DCUN1D2: variants seen among roughly 807,000 people sequenced by gnomAD.
DCUN1D2 encodes DCN1-like protein 2.
Under a neutral mutation model 30.9 loss-of-function variants are expected in DCUN1D2, and 29 were observed. That is an observed-to-expected ratio of 0.94 (90% CI 0.70 to 1.28). The LOEUF (loss-of-function observed/expected upper bound fraction) is 1.28, where lower values mean the gene tolerates loss of function less well. DCUN1D2 is among the 50% of genes most tolerant of loss of function. DCUN1D2 has a pLI of 0.00. For synonymous variants in DCUN1D2, 121 were observed against 115.3 expected (o/e 1.05, Z -0.32); for missense variants, 325 against 316.9 (o/e 1.03, Z -0.19).
At chr13:113,464,261 G>A (rs1244955604) in intron 4 of DCUN1D2, among the ~76,000 whole-genome samples, 1 of 152,178 alleles carries the variant, frequency 6.6e-6, no homozygotes, top group Non-Finnish European at 1.5e-5. Context: ...GTATCTACAG[G>A]AGTAAACAAG....
At chr13:113,474,419 G>A (rs531715705) in intron 3 of DCUN1D2, among the ~76,000 whole-genome samples, 165 bp from the exon 4 acceptor site, 2 of 152,330 alleles carry the variant, frequency 1.3e-5, no homozygotes, top group African/African-American at 2.4e-5. Flanking sequence ...GATGATGTAA[G>A]AGAAGATGGG....
intron 4 of DCUN1D2, among the ~76,000 whole-genome samples, chr13:113,472,953 G>A (rs896040643): frequency 2.0e-5 from 3 of 150,388 alleles, no homozygotes; most frequent in Non-Finnish European, 4.4e-5. Context: ...GTCCCCCTGC[G>A]CCTCTGCTCC....
At chr13:113,473,730 G>A (rs982776245) in intron 4 of DCUN1D2, among the ~76,000 whole-genome samples, 4 of 152,226 alleles carry the variant, frequency 2.6e-5, no homozygotes, top group South Asian at 2.1e-4. Context: ...TGGGCCGGCC[G>A]CAGTGGCTCA....
At chr13:113,467,122 T>C (rs2044418426) in intron 4 of DCUN1D2, among the ~76,000 whole-genome samples, 1 of 152,120 alleles carries the variant, frequency 6.6e-6, no homozygotes, top group Non-Finnish European at 1.5e-5. Context: ...CTTTGGATGT[T>C]AAACCTCGTT....
chr13:113,476,508 T>C (rs72666968), intron 3 of DCUN1D2, among the ~76,000 whole-genome samples: 9,229 of 152,304 alleles, frequency 0.061, 375 homozygotes, highest in Non-Finnish European at 0.096. Flanking sequence ...TGTTTTTCAA[T>C]GTCTTTTTCT....
chr13:113,461,300 C>T (rs935264058), intron 4 of DCUN1D2, among the ~76,000 whole-genome samples, 164 bp from the exon 5 acceptor site: 1 of 152,154 alleles, frequency 6.6e-6, no homozygotes, highest in Non-Finnish European at 1.5e-5. Context: ...GAGAACTGTA[C>T]GTAGTCTAAT....
At position 113,489,111 on chromosome 13, in the gene DCUN1D2, T is replaced by C. The variant is rs1800008174; in HGVS notation, c.3+1556A>G. 9 of 985,302 alleles carry C rather than the reference T, an allele frequency of 9.1e-6. No homozygotes were observed. In the South Asian group the frequency reaches 2.3e-4, roughly 26 times the overall value. The allele number at this position is 985,302 out of a possible 1,614,324, so 61.0% of individuals were successfully genotyped here. On this transcript the variant is annotated intron_variant, in intron 1 of 6. Transcript: ENST00000478244. ...TTACCCGGGGCTGGCGGGCCAATCA[T>C]GTTGATCGAATAAACTACGTAAGTT...
chr13:113,484,324 A>T, intron 1 of DCUN1D2: 1 of 583,814 alleles, frequency 1.7e-6, no homozygotes, highest in Non-Finnish European at 2.7e-6. Context: ...ATGAAGTGTG[A>T]CTATCATTTT....
rs747219668 is a variant in DCUN1D2 at position 113,461,088 on chromosome 13, A to C, written c.569T>G (p.Phe190Cys). ...AYWKLVLSGR[F>C]KFLDLWNTFL... is the part of the protein sequence containing the mutation. Reference sequence around the variant, plus strand: ...TGTGTTCCAGAGATCTAAAAATTTAAACCTTCCAGATAACACTAATTTCCA... The same window carrying C: ...TGTGTTCCAGAGATCTAAAAATTTACACCTTCCAGATAACACTAATTTCCA... The change falls in exon 5 of 7, where the codon TTT becomes TGT. Residue 190 changes from phenylalanine (F) to cysteine (C), a missense_variant. By Grantham distance (205) the Phe-to-Cys change is radical. Coordinates refer to ENST00000478244, the MANE Select transcript of DCUN1D2 (RefSeq NM_001014283.2). The C allele has an allele frequency of 3.1e-6, 5 of 1,611,586 alleles. No homozygotes were observed. Among genetic ancestry groups the C allele is most frequent in the Non-Finnish European group, 4.2e-6 (5 of 1,178,402 alleles).
chr13:113,490,263 T>C lies in DCUN1D2; in HGVS notation c.3+404A>G, dbSNP rs1421990889. Among the ~76,000 whole-genome samples the C allele has an allele frequency of 6.6e-6, 1 of 152,072 alleles. No homozygotes were observed. The highest frequency in any genetic ancestry group is 1.9e-4 in the East Asian group (1 of 5,168). ...GGATTCCTTCCTTGCGCTGTTTTGG[T>C]CAACAGCCTCAGCATCTGCACAGAC... On this transcript the variant is annotated intron_variant, in intron 1 of 6. Coordinates refer to ENST00000478244, the MANE Select transcript of DCUN1D2 (RefSeq NM_001014283.2). The surrounding 1 kb of genome is among the most constrained non-coding windows in gnomAD (Gnocchi z 5.2).
intron 3 of DCUN1D2, chr13:113,479,129 C>T (rs1188879114): frequency 6.6e-6 from 1 of 152,232 alleles, no homozygotes; most frequent in African/African-American, 2.4e-5. Flanking sequence ...AGGCAACATT[C>T]TAAATGTTCT....
At position 113,472,550 on chromosome 13, in the gene DCUN1D2, C is replaced by A. The variant is rs562513103; in HGVS notation, c.520+1574G>T. ...CACGGGGACATGAACAATAAACTGA[C>A]CCTCGGTCGAAGGAAGCAGGGAACG... is the stretch of plus-strand genomic sequence containing the variant. On this transcript the variant is annotated intron_variant, in intron 4 of 6. Coordinates refer to ENST00000478244, the MANE Select transcript of DCUN1D2 (RefSeq NM_001014283.2). Among the ~76,000 whole-genome samples, 3 of 152,222 alleles carry A rather than the reference C, an allele frequency of 2.0e-5. No individual in the cohort carries two copies. The East Asian group carries it at 5.8e-4, about 29-fold the overall frequency.
intron 2 of DCUN1D2, among the ~76,000 whole-genome samples, chr13:113,481,181 T>C (rs976857788): frequency 8.5e-5 from 13 of 152,360 alleles, no homozygotes; most frequent in African/African-American, 2.9e-4. Context: ...ATTGATGTTT[T>C]TCTTAAGTGA....
At chr13:113,461,979 G>A (rs1366317432) in intron 4 of DCUN1D2, among the ~76,000 whole-genome samples, 3 of 152,176 alleles carry the variant, frequency 2.0e-5, no homozygotes, top group Non-Finnish European at 2.9e-5. Context: ...CCGGCCGGGC[G>A]TGGTGGCTCA....
chr13:113,474,119 C>T lies in DCUN1D2; in HGVS notation c.520+5G>A, dbSNP rs751662064. The T allele has an allele frequency of 1.9e-6, 3 of 1,610,258 alleles. No individual in the cohort carries two copies. Among genetic ancestry groups the T allele is most frequent in the Admixed American group, 1.7e-5 (1 of 59,684 alleles). On this transcript the variant is annotated splice_donor_5th_base_variant and intron_variant, in intron 4 of 6. Coordinates refer to ENST00000478244, the MANE Select transcript of DCUN1D2 (RefSeq NM_001014283.2). ...GCATTTTACGTATTTGGATTTCATA[C>T]TCACCTAAACCTTTCTGCCCTGGGT...
At chr13:113,458,745 G>A (rs913126657) in intron 6 of DCUN1D2, among the ~76,000 whole-genome samples, 3 of 152,166 alleles carry the variant, frequency 2.0e-5, no homozygotes, top group Non-Finnish European at 2.9e-5. Flanking sequence ...ACGGCGCCAG[G>A]GCCCAGAACA....
intron 1 of DCUN1D2, among the ~76,000 whole-genome samples, chr13:113,486,856 AGCCATCTCTGCCATCTCAG>A (rs1303345260): frequency 1.2e-4 from 19 of 152,364 alleles, no homozygotes; most frequent in African/African-American, 4.6e-4. Context: ...TCCAGACAGC[AGCCATCTCTGCCATCTCAG>A]GCCTGTGGGT....
upstream of DCUN1D2, chr13:113,490,747 C>A (rs1161763174): frequency 3.5e-6 from 4 of 1,152,280 alleles, no homozygotes; most frequent in South Asian, 4.0e-5. The surrounding 1 kb of genome is among the most constrained non-coding windows in gnomAD (Gnocchi z 5.2). Flanking sequence ...CGTCCTCGGA[C>A]GGCCGCGGCC....
intron 4 of DCUN1D2, among the ~76,000 whole-genome samples, chr13:113,464,617 G>A (rs773862734): frequency 9.2e-5 from 14 of 152,244 alleles, no homozygotes; most frequent in Admixed American, 2.0e-4. Context: ...TTGCTGCGGG[G>A]GACACGGCAG....
Sources: gnomAD v4.1 joint callset for allele counts (sites outside exome capture counted in the v4.1 genomes callset) on GRCh38, gnomAD v4.1.1 for gene constraint, Gnocchi (gnomAD v3.1) non-coding constraint, MANE v1.5 for transcripts, NCBI Gene and HGNC (gene_info 2026-07-23, HGNC 2026-07-21) for gene names.